NPAS3: variants seen among roughly 807,000 people sequenced by gnomAD.
NPAS3 encodes neuronal PAS domain-containing protein 3.
A neutral mutation model predicts 73.1 loss-of-function variants in NPAS3; 14 were observed. The observed-to-expected ratio is 0.19, with a 90% CI of 0.13 to 0.30. The LOEUF is 0.30. NPAS3 is among the 10% of genes least tolerant of loss of function. The probability of loss-of-function intolerance (pLI) is 1.00; values close to 1 mark genes in which losing one functional copy is unlikely to be tolerated. For synonymous variants in NPAS3, 620 were observed against 541.5 expected (o/e 1.14, Z -2.01); for missense variants, 1,096 against 1,250.0 (o/e 0.88, Z 1.86).
At chr14:33,320,072 G>A (rs1566792608) in intron 3 of NPAS3, among the ~76,000 whole-genome samples, 2 of 152,070 alleles carry the variant, frequency 1.3e-5, no homozygotes, top group Non-Finnish European at 2.9e-5. Context: ...AGAGGAATTG[G>A]GGTTGGAGAA....
At chr14:33,284,866 G>A (rs893992925) in intron 3 of NPAS3, among the ~76,000 whole-genome samples, 5 of 151,546 alleles carry the variant, frequency 3.3e-5, no homozygotes, top group African/African-American at 4.9e-5. Context: ...CTCATTTTGC[G>A]GATGATGAAG....
At chr14:33,060,660 G>T (rs1294241891) in intron 2 of NPAS3, among the ~76,000 whole-genome samples, 1 of 152,196 alleles carries the variant, frequency 6.6e-6, no homozygotes, top group African/African-American at 2.4e-5. Flanking sequence ...CCACCTGGAT[G>T]CCTGGTTAGT....
intron 2 of NPAS3, among the ~76,000 whole-genome samples, chr14:33,155,809 C>A (rs1239352582): frequency 6.6e-6 from 1 of 152,148 alleles, no homozygotes; most frequent in East Asian, 1.9e-4. Context: ...TATTGATTCC[C>A]ATTTTGGGGA....
intron 8 of NPAS3, 84 bp downstream of exon 8, chr14:33,774,614 C>A: frequency 9.2e-7 from 1 of 1,089,928 alleles, no homozygotes. Context: ...GGATGGTACT[C>A]TCCCAGTGAG....
intron 2 of NPAS3, among the ~76,000 whole-genome samples, chr14:33,165,162 C>G (rs1033423972): frequency 6.6e-6 from 1 of 152,006 alleles, no homozygotes; most frequent in African/African-American, 2.4e-5. Context: ...GCATTGGACT[C>G]GGCCTGTCGG....
intron 3 of NPAS3, among the ~76,000 whole-genome samples, chr14:33,249,800 C>T (rs918496515): frequency 3.3e-5 from 5 of 151,902 alleles, no homozygotes; most frequent in African/African-American, 1.2e-4. Context: ...TACATTTGTA[C>T]CACTATTTGA....
At chr14:33,132,531 C>T (rs1412628018) in intron 2 of NPAS3, among the ~76,000 whole-genome samples, 1 of 152,006 alleles carries the variant, frequency 6.6e-6, no homozygotes. Flanking sequence ...AGATTGATGG[C>T]TGAAATCATC....
At chr14:33,388,117 G>A (rs1373010282) in intron 4 of NPAS3, among the ~76,000 whole-genome samples, 1 of 152,104 alleles carries the variant, frequency 6.6e-6, no homozygotes, top group Non-Finnish European at 1.5e-5. Context: ...AGAAGTGAAT[G>A]GCATGATCAA....
chr14:33,272,249 C>T (rs1386490790), intron 3 of NPAS3, among the ~76,000 whole-genome samples: 1 of 152,166 alleles, frequency 6.6e-6, no homozygotes, highest in African/African-American at 2.4e-5. Context: ...TACATTTCTT[C>T]CACAAAGAAC....
At chr14:33,753,564 C>T (rs2062027822) in intron 7 of NPAS3, among the ~76,000 whole-genome samples, 2 of 152,074 alleles carry the variant, frequency 1.3e-5, no homozygotes, top group Non-Finnish European at 2.9e-5. Context: ...AAAGAAGTAG[C>T]CAATACACTT....
chr14:33,064,916 G>T (rs1364858677), intron 2 of NPAS3, among the ~76,000 whole-genome samples: 2 of 152,168 alleles, frequency 1.3e-5, no homozygotes, highest in African/African-American at 4.8e-5. Context: ...CTGGGACGAG[G>T]TGTTCTAATT....
downstream of NPAS3, chr14:33,802,978 A>C (rs1396587806): frequency 6.6e-6 from 1 of 152,164 alleles, no homozygotes; most frequent in Admixed American, 6.5e-5. Context: ...TAACTAGCTC[A>C]AGGTTAATGG....
intron 4 of NPAS3, among the ~76,000 whole-genome samples, chr14:33,456,447 G>A (rs760805863): frequency 1.3e-5 from 2 of 152,170 alleles, no homozygotes; most frequent in African/African-American, 2.4e-5. Context: ...GCTCTTTTAA[G>A]CAGAAAAAGA....
intron 4 of NPAS3, among the ~76,000 whole-genome samples, chr14:33,397,429 C>T (rs1042405200): frequency 6.6e-6 from 1 of 151,990 alleles, no homozygotes; most frequent in Non-Finnish European, 1.5e-5. Flanking sequence ...CCACAGTTAC[C>T]AAGCCACAAA....
chr14:33,088,692 C>T (rs1001669951), intron 2 of NPAS3, among the ~76,000 whole-genome samples: 3 of 152,180 alleles, frequency 2.0e-5, no homozygotes, highest in African/African-American at 7.2e-5. Flanking sequence ...TCTCCTAGCA[C>T]CGAGTTTTAG....
intron 3 of NPAS3, among the ~76,000 whole-genome samples, chr14:33,362,246 C>T (rs2045638125): frequency 6.7e-6 from 1 of 148,386 alleles, no homozygotes; most frequent in African/African-American, 2.6e-5. Flanking sequence ...TGAAAGAATA[C>T]AATTTGTGAA....
intron 1 of NPAS3, among the ~76,000 whole-genome samples, chr14:32,964,812 C>CA (rs35728329): frequency 0.36 from 50,352 of 139,230 alleles, 9,853 homozygotes; most frequent in East Asian, 0.88. Context: ...CCTGTCTCTA[C>CA]AAAAAAAAAA....
rs554316748 is a variant in NPAS3 at position 33,337,514 on chromosome 14, G to C, written c.386-29672G>C. On this transcript the variant is annotated intron_variant, in intron 3 of 11. Coordinates refer to ENST00000356141, the Ensembl canonical transcript of NPAS3. ...ACCTTTATAGTACATTTTAAAATCA[G>C]GTAGTGTAAGTCCTATGACTTTGTT... 6.6e-5 allele frequency among the ~76,000 whole-genome samples: 10 copies of C among 152,030 alleles called. No individual in the cohort carries two copies. In the South Asian group the frequency reaches 1.9e-3, roughly 28 times the overall value.
At chr14:32,995,564 G>A (rs527936809) in intron 1 of NPAS3, among the ~76,000 whole-genome samples, 3 of 152,270 alleles carry the variant, frequency 2.0e-5, no homozygotes, top group Middle Eastern at 3.4e-3. Context: ...CAATTCCCAT[G>A]TATTGTGGGA....
Sources: gnomAD v4.1 joint callset for allele counts (sites outside exome capture counted in the v4.1 genomes callset) on GRCh38, gnomAD v4.1.1 for gene constraint, MANE v1.5 for transcripts, NCBI Gene and HGNC (gene_info 2026-07-23, HGNC 2026-07-21) for gene names.